Variants in VTI1A observed in about 807,000 individuals in gnomAD.
VTI1A encodes the protein vesicle transport through interaction with t-SNAREs 1A.
Under a neutral mutation model 34.9 loss-of-function variants are expected in VTI1A, and 22 were observed. The ratio of observed to expected loss-of-function variants is 0.63; its 90% CI spans 0.45 to 0.90. The LOEUF (loss-of-function observed/expected upper bound fraction) is 0.90, where lower values mean the gene tolerates loss of function less well. VTI1A is among the 40% of genes least tolerant of loss of function. VTI1A has a pLI of 0.00. For missense variants in VTI1A, 268 were observed against 275.6 expected (o/e 0.97, Z 0.20); for synonymous variants, 87 against 97.3 (o/e 0.89, Z 0.62).
At chr10:112,742,538 A>T (rs1418866068) in intron 7 of VTI1A, among the ~76,000 whole-genome samples, 1 of 152,240 alleles carries the variant, frequency 6.6e-6, no homozygotes, top group Admixed American at 6.5e-5. Context: ...AGATTTGAGA[A>T]GATGTGTTCC....
At chr10:112,785,294 A>T (rs12243872) in intron 7 of VTI1A, among the ~76,000 whole-genome samples, 4 of 152,222 alleles carry the variant, frequency 2.6e-5, no homozygotes, top group African/African-American at 9.6e-5. Context: ...TCCTTGTCAG[A>T]GGAATGACCA....
intron 7 of VTI1A, among the ~76,000 whole-genome samples, chr10:112,777,040 C>T (rs1046204278): frequency 6.6e-6 from 1 of 152,122 alleles, no homozygotes; most frequent in African/African-American, 2.4e-5. Context: ...AACTAAAACT[C>T]ACATCTTTCA....
intron 7 of VTI1A, among the ~76,000 whole-genome samples, chr10:112,754,167 G>A (rs757400401): frequency 6.6e-6 from 1 of 152,226 alleles, no homozygotes; most frequent in South Asian, 2.1e-4. Flanking sequence ...GTACACCCAC[G>A]GAGAAAGGGA....
intron 7 of VTI1A, among the ~76,000 whole-genome samples, chr10:112,772,498 TCTTA>T (rs1851842653): frequency 6.6e-6 from 1 of 152,372 alleles, no homozygotes; most frequent in South Asian, 2.1e-4. Context: ...CAGCGTGTCT[TCTTA>T]CTTTCTTGAT....
chr10:112,756,088 G>C (rs1358615944), intron 7 of VTI1A, among the ~76,000 whole-genome samples: 1 of 152,038 alleles, frequency 6.6e-6, no homozygotes, highest in Non-Finnish European at 1.5e-5. Context: ...GGGAGGAGAG[G>C]GAGAAAGAGC....
chr10:112,656,893 T>G (rs1468362088), intron 5 of VTI1A, among the ~76,000 whole-genome samples: 2 of 152,080 alleles, frequency 1.3e-5, no homozygotes, highest in African/African-American at 2.4e-5. Context: ...TTTCTCATGG[T>G]TTAGTGCCAT....
chr10:112,732,570 G>A (rs1802279260), intron 7 of VTI1A, among the ~76,000 whole-genome samples: 1 of 152,180 alleles, frequency 6.6e-6, no homozygotes. Flanking sequence ...GTTCTTCATG[G>A]TCGAGGTCAT....
At chr10:112,821,660 G>C (rs1414809522), downstream of VTI1A, among the ~76,000 whole-genome samples, 1 of 152,122 alleles carries the variant, frequency 6.6e-6, no homozygotes, top group Non-Finnish European at 1.5e-5. Flanking sequence ...ACATTTTCGC[G>C]TTACTCTCCC....
chr10:112,517,901 C>T (rs544917419), intron 3 of VTI1A, among the ~76,000 whole-genome samples: 6 of 151,614 alleles, frequency 4.0e-5, no homozygotes, highest in Admixed American at 2.6e-4. Context: ...ACAAAATGAA[C>T]GTTAGGTAAA....
chr10:112,700,571 C>T (rs1294488600), intron 7 of VTI1A, among the ~76,000 whole-genome samples: 1 of 152,274 alleles, frequency 6.6e-6, no homozygotes, highest in Admixed American at 6.5e-5. Flanking sequence ...AGTATCAGAG[C>T]TAGAATTTGA....
At chr10:112,819,780 G>T (rs776593518), downstream of VTI1A, among the ~76,000 whole-genome samples, 4 of 152,126 alleles carry the variant, frequency 2.6e-5, no homozygotes, top group Non-Finnish European at 5.9e-5. Context: ...TCCATGCTAT[G>T]GCTGCTGTCT....
At chr10:112,506,379 C>T (rs533372848) in intron 3 of VTI1A, among the ~76,000 whole-genome samples, 82 of 152,236 alleles carry the variant, frequency 5.4e-4, no homozygotes, top group African/African-American at 1.9e-3. Context: ...TTGGTGTTAT[C>T]TGAGATTTCA....
In VTI1A at chr10:112,460,501, C is replaced by T. The variant is rs552404042; in HGVS notation, c.95-23C>T. 8.2e-6 allele frequency: 13 copies of T among 1,577,716 alleles called. No individual in the cohort carries two copies. The South Asian group carries it at 1.2e-4, about 15-fold the overall frequency. ...AATTTATTTGTATCTTTAGCAATTTCTTGGTATTATTGTTTGTTTCAGATG... is the reference window on the plus strand; with the variant it reads ...AATTTATTTGTATCTTTAGCAATTTTTTGGTATTATTGTTTGTTTCAGATG... On this transcript the variant is annotated intron_variant, in intron 1 of 7. Transcript: ENST00000393077.
intron 3 of VTI1A, among the ~76,000 whole-genome samples, chr10:112,492,390 C>T (rs777865674): frequency 6.6e-6 from 1 of 152,096 alleles, no homozygotes. Flanking sequence ...AAATTCTGCG[C>T]GGTATATCAT....
intron 3 of VTI1A, among the ~76,000 whole-genome samples, chr10:112,482,112 A>G (rs1848478042): frequency 1.3e-5 from 2 of 152,214 alleles, no homozygotes; most frequent in Admixed American, 1.3e-4. Flanking sequence ...CTTAGAAAAA[A>G]ATACTATCCT....
At chr10:112,693,798 A>G (rs895225302) in intron 7 of VTI1A, among the ~76,000 whole-genome samples, 1 of 152,250 alleles carries the variant, frequency 6.6e-6, no homozygotes, top group African/African-American at 2.4e-5. Flanking sequence ...TGGAGAAATA[A>G]AAGGCACTTC....
chr10:112,743,334 A>G (rs1850765008), intron 7 of VTI1A, among the ~76,000 whole-genome samples: 1 of 152,226 alleles, frequency 6.6e-6, no homozygotes, highest in African/African-American at 2.4e-5. Context: ...ACTACTTTCC[A>G]GAGATGACTC....
rs143083052 is a variant in VTI1A at position 112,792,385 on chromosome 10, G to T, written c.561-22905G>T. Among the ~76,000 whole-genome samples, 242 of 152,192 alleles carry T rather than the reference G, an allele frequency of 1.6e-3. 2 individuals carry two copies. Among genetic ancestry groups the T allele is most frequent in the African/African-American group, 5.5e-3 (230 of 41,506 alleles). ...ATGCTTTGCAGATCAGGAAATGGGG[G>T]CCCAGAAGCAGAAAGTGCTCTGCCT... On this transcript the variant is annotated intron_variant, in intron 7 of 7. Coordinates refer to ENST00000393077, the MANE Select transcript of VTI1A (RefSeq NM_145206.4).
chr10:112,775,850 C>T (rs1851941812), intron 7 of VTI1A, among the ~76,000 whole-genome samples: 1 of 152,192 alleles, frequency 6.6e-6, no homozygotes, highest in Non-Finnish European at 1.5e-5. Context: ...AATATATCAC[C>T]AGATACTTTT....
Sources: gnomAD v4.1 joint callset for allele counts (sites outside exome capture counted in the v4.1 genomes callset) on GRCh38, gnomAD v4.1.1 for gene constraint, MANE v1.5 for transcripts, NCBI Gene and HGNC (gene_info 2026-07-23, HGNC 2026-07-21) for gene names.